The following CPSF4 variants were observed in gnomAD, a reference collection of about 807,000 sequenced individuals.
The protein encoded by CPSF4 is cleavage and polyadenylation specific factor 4, also known as cleavage and polyadenylation specificity factor subunit 4.
In CPSF4, 11 loss-of-function variants were observed where a neutral mutation model predicts 37.7. That is an observed-to-expected ratio of 0.29 (90% CI 0.18 to 0.48). The LOEUF (loss-of-function observed/expected upper bound fraction) is 0.48. Ranked by LOEUF, CPSF4 falls within the 20% of genes least tolerant of loss-of-function variation. CPSF4 has a pLI of 0.99. For synonymous variants in CPSF4, 132 were observed against 135.9 expected (o/e 0.97, Z 0.20); for missense variants, 144 against 359.5 (o/e 0.40, Z 4.85).
At chr7:99,439,337 C>T (rs945331810) in intron 1 of CPSF4, 152 bp downstream of exon 1, 9 of 572,380 alleles carry the variant, frequency 1.6e-5, no homozygotes, top group Admixed American at 1.1e-4. Context: ...GGACTCCTCC[C>T]TCTAGGTCTT....
chr7:99,438,952 C>CGGGCGGCGG lies in CPSF4; in HGVS notation c.-130_-122dup. ...GGCTCCGGGCGCTCCCGGCATCCCT[C>CGGGCGGCGG]GGGCGGCGGCGGCGGCGGCGGCGAG... On this transcript the variant is annotated 5_prime_UTR_variant, in exon 1 of 8. Coordinates refer to ENST00000292476, the MANE Select transcript of CPSF4 (RefSeq NM_006693.4). The CGGGCGGCGG allele has an allele frequency of 7.4e-7, 1 of 1,352,938 alleles. No homozygotes were observed. The allele number at this position is 1,352,938 out of a possible 1,614,324, so 83.8% of individuals were successfully genotyped here.
intron 7 of CPSF4, 112 bp from the exon 8 acceptor site, chr7:99,456,320 T>G (rs557965426): frequency 4.5e-6 from 4 of 890,824 alleles, no homozygotes; most frequent in African/African-American, 3.3e-5. Context: ...ATGTCCCGAC[T>G]GGGGACTTGG....
At chr7:99,452,476 G>A (rs1798000273) in intron 6 of CPSF4, 36 bp downstream of exon 6, 1 of 1,584,556 alleles carries the variant, frequency 6.3e-7, no homozygotes, top group Non-Finnish European at 8.7e-7. Context: ...GGAAGGAAGT[G>A]CCTTTTCTAC....
At position 99,451,884 on chromosome 7, in the gene CPSF4, G is replaced by A. The variant is rs1797956116; in HGVS notation, c.498-484G>A. On this transcript the variant is annotated intron_variant, in intron 5 of 7. Coordinates refer to ENST00000292476, the MANE Select transcript of CPSF4 (RefSeq NM_006693.4). ...GGAACCCTGGTCCCTGCTTCTCACT[G>A]CAGGGAAGTGGCCGGTGCTGTCACT... 2.0e-5 allele frequency among the ~76,000 whole-genome samples: 3 copies of A among 152,334 alleles called. No homozygotes were observed. The South Asian group carries it at 6.2e-4, about 32-fold the overall frequency.
chr7:99,449,713 G>T (rs1339253504), intron 3 of CPSF4, among the ~76,000 whole-genome samples: 1 of 152,204 alleles, frequency 6.6e-6, no homozygotes, highest in Non-Finnish European at 1.5e-5. Context: ...TGTGACAAGT[G>T]CTTTGAAGGA....
At chr7:99,455,023 C>T (rs1798209120) in intron 7 of CPSF4, among the ~76,000 whole-genome samples, 1 of 152,086 alleles carries the variant, frequency 6.6e-6, no homozygotes, top group African/African-American at 2.4e-5. Context: ...CCACTGCACT[C>T]CAGCCTGGGC....
At chr7:99,452,343 A>G in intron 5 of CPSF4, 25 bp from the exon 6 acceptor site, 1 of 1,606,462 alleles carries the variant, frequency 6.2e-7, no homozygotes, top group Non-Finnish European at 8.5e-7. Context: ...TCTTGTTCTC[A>G]TCCCCTCTGG....
intron 2 of CPSF4, among the ~76,000 whole-genome samples, chr7:99,446,280 G>C (rs937480795): frequency 6.6e-6 from 1 of 152,190 alleles, no homozygotes; most frequent in Non-Finnish European, 1.5e-5. Flanking sequence ...CTGTCTCTCT[G>C]TTGACTAATA....
intron 2 of CPSF4, among the ~76,000 whole-genome samples, chr7:99,446,044 C>T (rs1411377046): frequency 2.6e-5 from 4 of 152,168 alleles, no homozygotes; most frequent in Non-Finnish European, 4.4e-5. Flanking sequence ...GAGCAAAGGG[C>T]TGGTTTTAAT....
chr7:99,443,975 G>C (rs45448997), intron 1 of CPSF4, among the ~76,000 whole-genome samples: 13,537 of 152,172 alleles, frequency 0.089, 995 homozygotes, highest in African/African-American at 0.2. Context: ...GCAGTCCTCT[G>C]TTTCTGCACT....
rs1797871158 is a variant in CPSF4, at chr7:99,450,721, G to A, written c.423G>A (p.Arg141=). ...FCKHGPLCRH[R]HTRRVICVNY... ...CTGCAGGTCCCCTCTGCAGGCACCG[G>A]CACACACGGAGAGTCATCTGTGTGA... Residue 141 remains arginine (R), a synonymous_variant, in exon 5 of 8, where the codon CGG becomes CGA. Transcript: ENST00000292476. 6.2e-7 allele frequency: 1 copy of A among 1,613,854 alleles called. No homozygotes were observed. The highest frequency in any genetic ancestry group is 8.5e-7 in the Non-Finnish European group (1 of 1,179,854).
At chr7:99,443,315 T>C in intron 1 of CPSF4, 1 of 894,924 alleles carries the variant, frequency 1.1e-6, no homozygotes, top group South Asian at 1.3e-5. Context: ...GGTTTTTTTC[T>C]TCTTCTGTTT....
chr7:99,450,272 G>A lies in CPSF4; in HGVS notation c.308-4G>A. ...AGTGGTCTCACGTCTGAGTTTCCCT[G>A]CAGGGGAGTGCAGCAACAAGGAATG... is the stretch of plus-strand genomic sequence containing the variant. On this transcript the variant is annotated splice_polypyrimidine_tract_variant and splice_region_variant and intron_variant, in intron 3 of 7. Transcript: ENST00000292476. The A allele has an allele frequency of 6.2e-7, 1 of 1,612,148 alleles. No homozygotes were observed. The highest frequency in any genetic ancestry group is 8.5e-7 in the Non-Finnish European group (1 of 1,178,390).
chr7:99,447,954 C>T (rs934579782), intron 2 of CPSF4, 167 bp from the exon 3 acceptor site: 4 of 646,374 alleles, frequency 6.2e-6, no homozygotes, highest in Non-Finnish European at 1.1e-5. Context: ...TGTAGTACCT[C>T]AAATCATGTT....
At chr7:99,454,808 C>G (rs1205193243) in intron 7 of CPSF4, among the ~76,000 whole-genome samples, 1 of 152,148 alleles carries the variant, frequency 6.6e-6, no homozygotes, top group Non-Finnish European at 1.5e-5. Flanking sequence ...GCAGGAGTAA[C>G]CCCCAGTACT....
chr7:99,456,392 T>C (rs745631006), intron 7 of CPSF4, 40 bp from the exon 8 acceptor site: 1 of 1,591,718 alleles, frequency 6.3e-7, no homozygotes, highest in East Asian at 2.2e-5. Context: ...ACAGTGTTGT[T>C]GTCTGTCTCT....
chr7:99,439,327 G>A (rs989554727), intron 1 of CPSF4, 142 bp downstream of exon 1: 1 of 598,672 alleles, frequency 1.7e-6, no homozygotes, highest in Non-Finnish European at 2.9e-6. Context: ...TTTGGTCGCA[G>A]GACTCCTCCC....
At chr7:99,443,062 C>T (rs768292358) in intron 1 of CPSF4, 1 of 1,073,462 alleles carries the variant, frequency 9.3e-7, no homozygotes, top group Admixed American at 1.7e-5. Flanking sequence ...TGAGCTCTTT[C>T]CTTCGGCTTA....
intron 7 of CPSF4, among the ~76,000 whole-genome samples, chr7:99,454,906 C>T (rs1193291619): frequency 6.6e-6 from 1 of 152,156 alleles, no homozygotes; most frequent in African/African-American, 2.4e-5. Context: ...AATCACAAAA[C>T]AGGCTGGGTG....
Sources: allele counts gnomAD v4.1 joint callset (sites outside exome capture counted in the v4.1 genomes callset), GRCh38; gene constraint gnomAD v4.1.1; transcripts MANE v1.5; gene names NCBI Gene and HGNC (gene_info 2026-07-23, HGNC 2026-07-21).